Variants in SAMD12 observed in about 807,000 individuals in gnomAD.
SAMD12 encodes sterile alpha motif domain containing 12.
SAMD12 carries 9 observed loss-of-function variants against 15.0 expected under a neutral mutation model. The ratio of observed to expected loss-of-function variants is 0.60; its 90% confidence interval spans 0.36 to 1.05. The LOEUF is 1.05. Among genes scored for constraint, SAMD12 ranks in the 50% least tolerant of loss-of-function variants. SAMD12 has a pLI of 0.01. For synonymous variants in SAMD12, 86 were observed against 90.1 expected (o/e 0.96, Z 0.25); for missense variants, 230 against 234.2 (o/e 0.98, Z 0.12).
chr8:118,274,761 A>G (rs1813434987), intron 4 of SAMD12, among the ~76,000 whole-genome samples: 1 of 152,192 alleles, frequency 6.6e-6, no homozygotes, highest in African/African-American at 2.4e-5. Context: ...CACAGTATTC[A>G]TCCATGTGGA....
intron 2 of SAMD12, among the ~76,000 whole-genome samples, chr8:118,574,491 C>A (rs1344411513): frequency 6.6e-6 from 1 of 152,220 alleles, no homozygotes; most frequent in Non-Finnish European, 1.5e-5. Flanking sequence ...ATCTGAGTCT[C>A]ATCTCCCTAA....
chr8:118,157,418 A>G, the SAMD12 span, among the ~76,000 whole-genome samples: 1 of 152,242 alleles, frequency 6.6e-6, no homozygotes. Flanking sequence ...CAGGGACAGA[A>G]GGTCAGGAAT....
At chr8:118,499,228 T>C (rs1023566085) in intron 2 of SAMD12, among the ~76,000 whole-genome samples, 2 of 152,146 alleles carry the variant, frequency 1.3e-5, no homozygotes, top group African/African-American at 2.4e-5. Context: ...AAATTGGTAA[T>C]TGACTGCTCC....
chr8:118,261,658 A>G (rs1813080719), intron 4 of SAMD12, among the ~76,000 whole-genome samples: 1 of 149,438 alleles, frequency 6.7e-6, no homozygotes, highest in Non-Finnish European at 1.5e-5. Flanking sequence ...TTACTTTCCC[A>G]TGCTCTCAGT....
chr8:118,480,683 C>T (rs1393441007), intron 2 of SAMD12, among the ~76,000 whole-genome samples: 1 of 152,162 alleles, frequency 6.6e-6, no homozygotes, highest in Admixed American at 6.5e-5. Context: ...TTTAAAAATG[C>T]ACATCAGAAA....
At chr8:118,355,376 G>T (rs911746584) in intron 4 of SAMD12, among the ~76,000 whole-genome samples, 1 of 152,134 alleles carries the variant, frequency 6.6e-6, no homozygotes, top group African/African-American at 2.4e-5. Flanking sequence ...TAGACTTTGG[G>T]GACTTGGGGG....
At chr8:118,399,993 T>TA (rs1377677279) in intron 3 of SAMD12, among the ~76,000 whole-genome samples, 3 of 152,204 alleles carry the variant, frequency 2.0e-5, no homozygotes, top group Non-Finnish European at 4.4e-5. Flanking sequence ...AATCTGCTGC[T>TA]AAAAATTCTG....
chr8:118,176,927 G>T, the SAMD12 span, among the ~76,000 whole-genome samples: 9 of 152,172 alleles, frequency 5.9e-5, no homozygotes, highest in Admixed American at 3.9e-4. Flanking sequence ...CTGTTTGTGT[G>T]GGAAAGTGGT....
At chr8:118,194,181 T>G (rs1819490131) in exon 5 of SAMD12, 1 of 152,178 alleles carries the variant, frequency 6.6e-6, no homozygotes, top group Non-Finnish European at 1.5e-5. Context: ...GATACGCCTT[T>G]TCTCCTTGAA....
chr8:118,191,844 AGAGAGAGT>A (rs1472564506), exon 5 of SAMD12: 1,419 of 130,592 alleles, frequency 0.011, 59 homozygotes, highest in African/African-American at 0.038. Flanking sequence ...AGAGAGAGAG[AGAGAGAGT>A]GAGAAAAGTA....
chr8:118,439,971 A>C lies in SAMD12; in HGVS notation c.193-10T>G. 6.2e-7 allele frequency: 1 copy of C among 1,613,422 alleles called. No individual in the cohort carries two copies. Among genetic ancestry groups the C allele is most frequent in the Non-Finnish European group, 8.5e-7 (1 of 1,179,500 alleles). ...GCTTCACCGTAGCTGACTATAAATAAAGAAGGAAGATCTGTCAATGCTGGC... is the reference window on the plus strand; with the variant it reads ...GCTTCACCGTAGCTGACTATAAATACAGAAGGAAGATCTGTCAATGCTGGC... On this transcript the variant is annotated splice_polypyrimidine_tract_variant and intron_variant, in intron 2 of 3. Coordinates refer to ENST00000314727, the MANE Select transcript of SAMD12 (RefSeq NM_207506.3).
At chr8:118,329,168 T>C (rs1816697062) in intron 4 of SAMD12, among the ~76,000 whole-genome samples, 1 of 151,874 alleles carries the variant, frequency 6.6e-6, no homozygotes, top group South Asian at 2.1e-4. Context: ...CATAGATGAG[T>C]GGAAGGAACA....
chr8:118,531,392 G>C (rs973443035), intron 2 of SAMD12, among the ~76,000 whole-genome samples: 12 of 152,306 alleles, frequency 7.9e-5, no homozygotes, highest in Admixed American at 7.2e-4. Context: ...TTTTTGCTTA[G>C]AATGGTCTTG....
intron 1 of SAMD12, among the ~76,000 whole-genome samples, chr8:118,607,999 A>G (rs1828022172): frequency 6.6e-6 from 1 of 152,202 alleles, no homozygotes; most frequent in African/African-American, 2.4e-5. Flanking sequence ...TTTCTAGGCT[A>G]GGTATAACCC....
At chr8:118,355,786 A>T (rs1818199672) in intron 4 of SAMD12, among the ~76,000 whole-genome samples, 2 of 152,218 alleles carry the variant, frequency 1.3e-5, no homozygotes, top group African/African-American at 4.8e-5. Flanking sequence ...ATAGAAGCTT[A>T]TATATACCAC....
chr8:118,404,955 C>G (rs756584076), intron 3 of SAMD12, among the ~76,000 whole-genome samples: 1 of 152,142 alleles, frequency 6.6e-6, no homozygotes, highest in African/African-American at 2.4e-5. Flanking sequence ...AACCACCATG[C>G]CCAGCCTACT....
chr8:118,493,699 A>G (rs1275455629), intron 2 of SAMD12, among the ~76,000 whole-genome samples: 1 of 152,198 alleles, frequency 6.6e-6, no homozygotes, highest in Admixed American at 6.5e-5. Context: ...TTCAGTTGCC[A>G]CAGACCCACA....
rs1014344470 is a variant in SAMD12, at chr8:118,440,693, C to A, written c.193-732G>T. On this transcript the variant is annotated intron_variant, in intron 2 of 3. Transcript: ENST00000314727. ...ACACACACACACACACACACACACA[C>A]ACAAACACACACACACACACACATA... Among the ~76,000 whole-genome samples, 10 of 136,982 alleles carry A rather than the reference C, an allele frequency of 7.3e-5. No homozygotes were observed. The East Asian group carries it at 1.0e-3, about 14-fold the overall frequency. The allele number at this position is 136,982 out of a possible 152,430, so 89.9% of individuals were successfully genotyped here.
At chr8:118,585,695 G>T (rs561344290) in intron 1 of SAMD12, among the ~76,000 whole-genome samples, 1 of 152,322 alleles carries the variant, frequency 6.6e-6, no homozygotes, top group African/African-American at 2.4e-5. Flanking sequence ...GAAAGGAAAT[G>T]TTCTCCAAAA....
Sources: gnomAD v4.1 joint callset for allele counts (sites outside exome capture counted in the v4.1 genomes callset) on GRCh38, gnomAD v4.1.1 for gene constraint, MANE v1.5 for transcripts, NCBI Gene and HGNC (gene_info 2026-07-23, HGNC 2026-07-21) for gene names.